KAZN: variants seen among roughly 807,000 people sequenced by gnomAD.
The protein encoded by KAZN is kazrin.
In KAZN, 40 loss-of-function variants were observed where a neutral mutation model predicts 87.4. That is an observed-to-expected ratio of 0.46 (90% confidence interval 0.36 to 0.60). The LOEUF is 0.60. KAZN is among the 20% of genes least tolerant of loss of function. The pLI is 0.00. For missense variants in KAZN, 898 were observed against 1,073.9 expected (o/e 0.84, Z 2.29); for synonymous variants, 466 against 458.3 (o/e 1.02, Z -0.22).
At chr1:14,737,560 G>A (rs1220069718) in intron 1 of KAZN, among the ~76,000 whole-genome samples, 1 of 152,190 alleles carries the variant, frequency 6.6e-6, no homozygotes, top group East Asian at 1.9e-4. Context: ...CAGCTTATGA[G>A]GACAGACACG....
intron 2 of KAZN, among the ~76,000 whole-genome samples, chr1:15,026,382 G>A (rs1671161913): frequency 6.6e-6 from 1 of 152,174 alleles, no homozygotes; most frequent in South Asian, 2.1e-4. Flanking sequence ...TTGCATGTGG[G>A]GTCTCAGGCC....
chr1:13,920,828 G>A (rs540863156), intron 1 of KAZN, among the ~76,000 whole-genome samples: 2 of 152,264 alleles, frequency 1.3e-5, no homozygotes, highest in Admixed American at 6.5e-5. Context: ...TTATGGTCAC[G>A]CTGACATTGG....
At chr1:14,417,996 A>G (rs947525918) in intron 2 of KAZN, among the ~76,000 whole-genome samples, 2 of 15,442 alleles carry the variant, frequency 1.3e-4, no homozygotes, top group African/African-American at 9.6e-4. Context: ...ACTGCCTCAA[A>G]AAAAAAAAAA....
chr1:13,972,116 CAG>C (rs1642157548), intron 1 of KAZN, among the ~76,000 whole-genome samples: 1 of 152,054 alleles, frequency 6.6e-6, no homozygotes, highest in South Asian at 2.1e-4. Context: ...TGTGTTAAAT[CAG>C]AGTGGAAAAG....
At chr1:14,931,414 A>G (rs972850332) in intron 1 of KAZN, among the ~76,000 whole-genome samples, 1 of 152,040 alleles carries the variant, frequency 6.6e-6, no homozygotes, top group Non-Finnish European at 1.5e-5. Flanking sequence ...ATGCCACTGC[A>G]CTCCATCCTG....
At chr1:14,838,210 T>C (rs1026465892) in intron 1 of KAZN, among the ~76,000 whole-genome samples, 3 of 152,198 alleles carry the variant, frequency 2.0e-5, no homozygotes, top group Admixed American at 2.0e-4. Context: ...GTGTGAAGTC[T>C]CTTTTCTAAA....
intron 1 of KAZN, among the ~76,000 whole-genome samples, chr1:14,838,898 A>C (rs535647745): frequency 1.3e-5 from 2 of 152,202 alleles, no homozygotes; most frequent in African/African-American, 2.4e-5. Flanking sequence ...CTGGAATTGC[A>C]GGTGTGAGCC....
At chr1:14,445,112 G>A (rs190956464) in intron 2 of KAZN, among the ~76,000 whole-genome samples, 10 of 151,536 alleles carry the variant, frequency 6.6e-5, no homozygotes, top group Middle Eastern at 3.4e-3. Flanking sequence ...TACAACTTCC[G>A]CCTCCCGGGT....
chr1:14,817,775 T>A (rs1220657918), intron 1 of KAZN, among the ~76,000 whole-genome samples: 44 of 115,426 alleles, frequency 3.8e-4, no homozygotes, highest in Non-Finnish European at 5.9e-4. Context: ...CATTTCTAAA[T>A]AGGAAAAAAA....
chr1:14,502,995 C>T (rs913942559), intron 2 of KAZN, among the ~76,000 whole-genome samples: 1 of 152,082 alleles, frequency 6.6e-6, no homozygotes, highest in African/African-American at 2.4e-5. Context: ...GATCTGCTTT[C>T]AGAATACCTA....
chr1:14,153,114 T>G (rs1328086332), intron 1 of KAZN, among the ~76,000 whole-genome samples: 1 of 152,228 alleles, frequency 6.6e-6, no homozygotes, highest in Non-Finnish European at 1.5e-5. Context: ...AGATGGGTAG[T>G]TTGTAAATAT....
chr1:14,653,393 G>A (rs563976599), intron 1 of KAZN, among the ~76,000 whole-genome samples: 17 of 152,324 alleles, frequency 1.1e-4, no homozygotes, highest in Admixed American at 7.2e-4. Context: ...TCCCTGGGGC[G>A]TGTTGGGGCC....
chr1:14,225,159 T>C (rs1647217917), intron 2 of KAZN, among the ~76,000 whole-genome samples: 1 of 152,170 alleles, frequency 6.6e-6, no homozygotes, highest in South Asian at 2.1e-4. Context: ...CCCCAGTCTT[T>C]GCTAAAAAGC....
At chr1:14,240,850 T>C (rs1648874943) in intron 2 of KAZN, among the ~76,000 whole-genome samples, 1 of 152,230 alleles carries the variant, frequency 6.6e-6, no homozygotes, top group South Asian at 2.1e-4. Context: ...CTCAGGGGCT[T>C]TGCAGGGGCA....
chr1:14,608,126 T>C lies in KAZN; in HGVS notation c.226+8903T>C, dbSNP rs540668873. 7.2e-5 allele frequency among the ~76,000 whole-genome samples: 11 copies of C among 152,364 alleles called. No homozygotes were observed. In the South Asian group the frequency reaches 2.3e-3, roughly 32 times the overall value. ...CTGACCCTGAAATCTGCTCGCTTCG[T>C]TAAGACGAGAATATCCAGATGTCAC... On this transcript the variant is annotated intron_variant, in intron 1 of 14. Transcript: ENST00000376030.
intron 1 of KAZN, among the ~76,000 whole-genome samples, chr1:14,040,803 A>ATTAAATTAAATTAAATTAAATTAAAT (rs1553119538): frequency 2.0e-5 from 3 of 150,660 alleles, no homozygotes; most frequent in Non-Finnish European, 4.4e-5. Context: ...TTAAATTAAA[A>ATTAAATTAAATTAAATTAAATTAAAT]TAAAATAAAA....
intron 1 of KAZN, among the ~76,000 whole-genome samples, chr1:14,867,466 G>A (rs970577468): frequency 6.6e-6 from 1 of 152,170 alleles, no homozygotes; most frequent in Non-Finnish European, 1.5e-5. Context: ...CAGGGATGGT[G>A]CATCCTCCAG....
At chr1:14,516,996 G>T (rs971342189) in intron 2 of KAZN, among the ~76,000 whole-genome samples, 13 of 152,058 alleles carry the variant, frequency 8.5e-5, no homozygotes, top group Admixed American at 8.5e-4. Context: ...ATAAAACATT[G>T]CTCTTACTTT....
At chr1:14,418,486 T>G (rs540016305) in intron 2 of KAZN, among the ~76,000 whole-genome samples, 17 of 146,032 alleles carry the variant, frequency 1.2e-4, no homozygotes, top group African/African-American at 4.1e-4. Context: ...CTCTATGTTG[T>G]AAGTTTTCGG....
Sources: gnomAD v4.1 joint callset for allele counts (sites outside exome capture counted in the v4.1 genomes callset) on GRCh38, gnomAD v4.1.1 for gene constraint, MANE v1.5 for transcripts, NCBI Gene and HGNC (gene_info 2026-07-23, HGNC 2026-07-21) for gene names.